Variants in ZBTB20 observed in about 807,000 individuals in gnomAD.
The protein encoded by ZBTB20 is zinc finger and BTB domain-containing protein 20.
A neutral mutation model predicts 56.9 loss-of-function variants in ZBTB20; 9 were observed. The ratio of observed to expected loss-of-function variants is 0.16; its 90% confidence interval spans 0.10 to 0.28. ZBTB20 has a LOEUF of 0.28. Among genes scored for constraint, ZBTB20 ranks in the 10% least tolerant of loss-of-function variants. ZBTB20 has a pLI of 1.00. For synonymous variants in ZBTB20, 417 were observed against 420.7 expected (o/e 0.99, Z 0.11); for missense variants, 655 against 1,003.0 (o/e 0.65, Z 4.69).
intron 6 of ZBTB20, among the ~76,000 whole-genome samples, chr3:114,670,055 AT>A (rs2061276980): frequency 6.6e-6 from 1 of 152,152 alleles, no homozygotes; most frequent in African/African-American, 2.4e-5. Context: ...GTGACATTTT[AT>A]TTTTTTAAGG....
intron 7 of ZBTB20, among the ~76,000 whole-genome samples, chr3:114,476,877 G>T (rs535387601): frequency 6.6e-6 from 1 of 152,298 alleles, no homozygotes; most frequent in East Asian, 1.9e-4. Flanking sequence ...GGGCTAGACT[G>T]CCTGGATCAA....
chr3:115,061,137 G>A (rs56345039), intron 2 of ZBTB20, among the ~76,000 whole-genome samples: 17,860 of 151,978 alleles, frequency 0.12, 2,465 homozygotes, highest in African/African-American at 0.34. Context: ...GCTTGAAAAA[G>A]ATATATTTAC....
At chr3:114,645,917 A>C (rs1317621239) in intron 6 of ZBTB20, among the ~76,000 whole-genome samples, 1 of 152,022 alleles carries the variant, frequency 6.6e-6, no homozygotes, top group East Asian at 1.9e-4. Context: ...ACAGAGGGAA[A>C]AGAAACATTG....
intron 6 of ZBTB20, among the ~76,000 whole-genome samples, chr3:114,598,298 A>T (rs1028164939): frequency 1.3e-5 from 2 of 152,090 alleles, no homozygotes; most frequent in Non-Finnish European, 2.9e-5. Context: ...CTTAATAAAG[A>T]TTATTAAAAT....
At chr3:114,516,497 A>G (rs982343318) in intron 6 of ZBTB20, among the ~76,000 whole-genome samples, 58 of 152,186 alleles carry the variant, frequency 3.8e-4, no homozygotes, top group African/African-American at 6.5e-4. Context: ...TCATCCATCA[A>G]AATGCTACTA....
rs2078755790 is a variant in ZBTB20 at position 114,318,078 on chromosome 3, T to C, written c.*20927A>G. 1.3e-5 allele frequency: 2 copies of C among 152,220 alleles called. No homozygotes were observed. The highest frequency in any genetic ancestry group is 1.5e-5 in the Non-Finnish European group (1 of 68,060). 9.4% of individuals were successfully genotyped at this position (152,220 alleles called of 1,614,324 possible). A position where few individuals can be genotyped will look rare whatever the true frequency, so the allele number is the denominator to read the frequency against. On this transcript the variant is annotated 3_prime_UTR_variant, in exon 12 of 12. Transcript: ENST00000675478. ...CAGCTTTTGGTGTTTCCCTTTTCCC[T>C]TCCCTCCAGCCAAATGATTTTTTAA...
At chr3:114,560,926 C>T (rs2051950358) in intron 6 of ZBTB20, among the ~76,000 whole-genome samples, 1 of 152,196 alleles carries the variant, frequency 6.6e-6, no homozygotes, top group Non-Finnish European at 1.5e-5. Context: ...TGGAGCCAAT[C>T]CTCTCAAACT....
At chr3:114,440,651 G>A (rs767707986) in intron 7 of ZBTB20, among the ~76,000 whole-genome samples, 1 of 152,176 alleles carries the variant, frequency 6.6e-6, no homozygotes, top group South Asian at 2.1e-4. Flanking sequence ...GTTTTAAAAG[G>A]ATAGATAACG....
intron 4 of ZBTB20, among the ~76,000 whole-genome samples, chr3:114,854,729 T>C (rs144543921): frequency 6.6e-6 from 1 of 152,346 alleles, no homozygotes; most frequent in East Asian, 1.9e-4. Flanking sequence ...TTGGATTTCA[T>C]CAAATCTCAT....
intron 3 of ZBTB20, among the ~76,000 whole-genome samples, chr3:114,906,112 T>G: frequency 6.6e-6 from 1 of 151,812 alleles, no homozygotes; most frequent in South Asian, 2.1e-4. Context: ...CTTTATTCAC[T>G]ACTCTATACC....
Position 114,874,171 on chromosome 3 carries a change from T to C in ZBTB20, c.-417+26133A>G, listed in dbSNP as rs1386333358. On this transcript the variant is annotated intron_variant, in intron 4 of 11. Coordinates refer to ENST00000675478, the MANE Select transcript of ZBTB20 (RefSeq NM_001348800.3). ...ATATAGAGGGAAGCAGACCCTCCCT[T>C]TTATAAATAACGTATACATTTGCTT... 3 of 152,186 alleles carry C rather than the reference T, an allele frequency of 2.0e-5. No individual in the cohort carries two copies. In the East Asian group the frequency reaches 5.8e-4, roughly 29 times the overall value. 9.4% of individuals were successfully genotyped at this position (152,186 alleles called of 1,614,324 possible).
chr3:114,470,082 A>C (rs1030868077), intron 7 of ZBTB20, among the ~76,000 whole-genome samples: 1 of 152,200 alleles, frequency 6.6e-6, no homozygotes, highest in Non-Finnish European at 1.5e-5. Flanking sequence ...AGCATTAAAG[A>C]TATAGAAAAA....
At chr3:115,124,622 G>A (rs999113778) in intron 1 of ZBTB20, among the ~76,000 whole-genome samples, 5 of 152,148 alleles carry the variant, frequency 3.3e-5, no homozygotes, top group African/African-American at 1.2e-4. Flanking sequence ...AGTAAAATGT[G>A]TTACTGGTAT....
At chr3:114,650,716 T>TCTTA (rs1472918463) in intron 6 of ZBTB20, among the ~76,000 whole-genome samples, 6 of 151,986 alleles carry the variant, frequency 3.9e-5, no homozygotes, top group Non-Finnish European at 8.8e-5. Flanking sequence ...TTCCTGAATA[T>TCTTA]CTTAAAGCTG....
At chr3:115,131,288 A>T (rs1289225135) in intron 1 of ZBTB20, among the ~76,000 whole-genome samples, 1 of 152,178 alleles carries the variant, frequency 6.6e-6, no homozygotes, top group Non-Finnish European at 1.5e-5. Flanking sequence ...TAAGGTAGAT[A>T]TATACATATG....
intron 2 of ZBTB20, among the ~76,000 whole-genome samples, chr3:114,991,382 G>A (rs909108250): frequency 4.6e-5 from 7 of 152,166 alleles, no homozygotes; most frequent in Admixed American, 1.3e-4. Flanking sequence ...TCACTCAGGA[G>A]CAGGTTATTC....
intron 4 of ZBTB20, among the ~76,000 whole-genome samples, chr3:114,876,066 C>T (rs901656017): frequency 6.6e-6 from 1 of 151,452 alleles, no homozygotes; most frequent in South Asian, 2.1e-4. Flanking sequence ...AGATCCCCAT[C>T]TCTACAAAAT....
At chr3:114,639,845 T>C (rs981244432) in intron 6 of ZBTB20, among the ~76,000 whole-genome samples, 4 of 152,026 alleles carry the variant, frequency 2.6e-5, no homozygotes, top group African/African-American at 9.7e-5. Flanking sequence ...AATTGGAAGA[T>C]AGCAAGACAC....
chr3:115,006,460 G>GAC (rs1553877318), intron 2 of ZBTB20, among the ~76,000 whole-genome samples: 1 of 144,312 alleles, frequency 6.9e-6, no homozygotes, highest in Non-Finnish European at 1.5e-5. Context: ...TATCCAGTTG[G>GAC]ATATATATAT....
Sources: gnomAD v4.1 joint callset for allele counts (sites outside exome capture counted in the v4.1 genomes callset) on GRCh38, gnomAD v4.1.1 for gene constraint, MANE v1.5 for transcripts, NCBI Gene and HGNC (gene_info 2026-07-23, HGNC 2026-07-21) for gene names.